Variants in CADPS2 observed in about 807,000 individuals in gnomAD.
The protein encoded by CADPS2 is calcium-dependent secretion activator 2.
A neutral mutation model predicts 172.5 loss-of-function variants in CADPS2; 93 were observed. That is an observed-to-expected ratio of 0.54 (90% CI 0.46 to 0.64). CADPS2 has a LOEUF of 0.64. CADPS2 is among the 30% of genes least tolerant of loss of function. The pLI, the probability that CADPS2 is intolerant of heterozygous loss-of-function variation, is 0.00. For synonymous variants in CADPS2, 546 were observed against 555.2 expected (o/e 0.98, Z 0.23); for missense variants, 1,420 against 1,565.9 (o/e 0.91, Z 1.57).
intron 11 of CADPS2, among the ~76,000 whole-genome samples, chr7:122,482,099 A>G (rs994028712): frequency 6.6e-6 from 1 of 152,142 alleles, no homozygotes; most frequent in Non-Finnish European, 1.5e-5. Context: ...TTTTCTTGCC[A>G]TTATGTGCAA....
intron 2 of CADPS2, among the ~76,000 whole-genome samples, chr7:122,731,168 G>C (rs1185765425): frequency 6.6e-6 from 1 of 151,262 alleles, no homozygotes; most frequent in African/African-American, 2.4e-5. Flanking sequence ...AACCAAAGTA[G>C]AACATAAACA....
chr7:122,385,608 ATAAAGGTTTTC>A lies in CADPS2; in HGVS notation c.3312+1407_3312+1417del, dbSNP rs2043546953. ...GTATACACTAGTCAATCCTTTACGC[ATAAAGGTTTTC>A]TAACCTTGTACCTCAGGGATTCTGG... is the stretch of plus-strand genomic sequence containing the variant. On this transcript the variant is annotated intron_variant, in intron 24 of 29. Transcript: ENST00000449022. Among the ~76,000 whole-genome samples, 4 of 152,184 alleles carry A rather than the reference ATAAAGGTTTTC, an allele frequency of 2.6e-5. No individual in the cohort carries two copies. The South Asian group carries it at 8.3e-4, about 32-fold the overall frequency.
chr7:122,680,506 G>A (rs1376650134), intron 2 of CADPS2, among the ~76,000 whole-genome samples: 1 of 152,158 alleles, frequency 6.6e-6, no homozygotes, highest in Non-Finnish European at 1.5e-5. Flanking sequence ...CTGAGGTCAG[G>A]AGTTCGAGAC....
chr7:122,820,299 T>C (rs1242598115), intron 1 of CADPS2, among the ~76,000 whole-genome samples: 4 of 152,238 alleles, frequency 2.6e-5, no homozygotes, highest in Admixed American at 6.5e-5. Flanking sequence ...GCTTCACAGA[T>C]AGCCCCCATT....
intron 3 of CADPS2, among the ~76,000 whole-genome samples, chr7:122,659,155 A>G (rs1365225601): frequency 2.0e-5 from 3 of 152,032 alleles, no homozygotes; most frequent in Admixed American, 6.6e-5. Context: ...AGATTCAGAT[A>G]CGAGACAGAT....
At chr7:122,562,577 TTAAGTCAC>T (rs2065906139) in intron 7 of CADPS2, among the ~76,000 whole-genome samples, 1 of 152,168 alleles carries the variant, frequency 6.6e-6, no homozygotes, top group Non-Finnish European at 1.5e-5. Flanking sequence ...TTATATTGTT[TTAAGTCAC>T]TAAGTTTTTG....
At chr7:122,861,715 C>T (rs992140220) in intron 1 of CADPS2, among the ~76,000 whole-genome samples, 3 of 152,182 alleles carry the variant, frequency 2.0e-5, no homozygotes, top group African/African-American at 4.8e-5. Flanking sequence ...TTTCAGGTGA[C>T]GGATATACTA....
chr7:122,438,235 C>A, intron 17 of CADPS2, 106 bp downstream of exon 17: 1 of 1,393,172 alleles, frequency 7.2e-7, no homozygotes, highest in Non-Finnish European at 1.0e-6. Flanking sequence ...TTCCCTTTGC[C>A]ATGGCACAGG....
intron 7 of CADPS2, among the ~76,000 whole-genome samples, chr7:122,556,224 A>G (rs1275668530): frequency 6.6e-6 from 1 of 152,156 alleles, no homozygotes; most frequent in Non-Finnish European, 1.5e-5. Flanking sequence ...GTAAAGAAAA[A>G]TAAGCTGATA....
chr7:122,802,911 C>T (rs918195119), intron 1 of CADPS2, among the ~76,000 whole-genome samples: 1 of 152,108 alleles, frequency 6.6e-6, no homozygotes, highest in Non-Finnish European at 1.5e-5. Flanking sequence ...TTTATGTGCA[C>T]AAAAGACATA....
At chr7:122,705,467 TATTA>T (rs531266582) in intron 2 of CADPS2, among the ~76,000 whole-genome samples, 5 of 134,686 alleles carry the variant, frequency 3.7e-5, no homozygotes, top group Admixed American at 8.6e-5. Context: ...CTATATTATA[TATTA>T]TATATATTTA....
intron 8 of CADPS2, among the ~76,000 whole-genome samples, chr7:122,524,413 C>T (rs1586846183): frequency 6.6e-6 from 1 of 152,048 alleles, no homozygotes; most frequent in Middle Eastern, 3.4e-3. Context: ...AAACTACATA[C>T]ACTCTAAAAA....
Position 122,414,065 on chromosome 7 carries a change from C to T in CADPS2, c.2589+3G>A. The T allele has an allele frequency of 1.0e-5, 16 of 1,548,826 alleles. No homozygotes were observed. The highest frequency in any genetic ancestry group is 1.4e-5 in the Non-Finnish European group (16 of 1,160,612). Reference sequence around the variant, plus strand: ...ATAAAATAGTGGAAATCATTTTACTCACCTCTCTTCCCTGAGGGTTTCCAA... The same window carrying T: ...ATAAAATAGTGGAAATCATTTTACTTACCTCTCTTCCCTGAGGGTTTCCAA... On this transcript the variant is annotated splice_donor_region_variant and intron_variant, in intron 19 of 29. Transcript: ENST00000449022.
intron 7 of CADPS2, among the ~76,000 whole-genome samples, chr7:122,569,639 A>G (rs2066938022): frequency 7.3e-6 from 1 of 137,240 alleles, no homozygotes; most frequent in Non-Finnish European, 1.5e-5. Flanking sequence ...CTATACTACA[A>G]GGCTACAGTA....
In CADPS2 at chr7:122,480,860, G is replaced by T; in HGVS notation, c.1853C>A (p.Ser618Tyr). ...ATCATGAAAATACTTACCTTTACCA[G>T]CTACAGGTCAGCAAAGAAATGAGAA... ...GGTLHADAQL[S>Y]GKDADRFQKH... The change falls in exon 12 of 30, where the codon TCT (serine) becomes TAT (tyrosine). Residue 618 changes from serine (S) to tyrosine (Y), a missense_variant and splice_region_variant. Coordinates refer to ENST00000449022, the MANE Select transcript of CADPS2 (RefSeq NM_017954.11). 1 of 1,519,848 alleles carries T rather than the reference G, an allele frequency of 6.6e-7. No individual in the cohort carries two copies. The highest frequency in any genetic ancestry group is 8.8e-7 in the Non-Finnish European group (1 of 1,137,140). The allele number at this position is 1,519,848 out of a possible 1,614,324, so 94.1% of individuals were successfully genotyped here. A position where few individuals can be genotyped will look rare whatever the true frequency, so the allele number is the denominator to read the frequency against.
At chr7:122,516,193 T>C (rs1048647486) in intron 8 of CADPS2, among the ~76,000 whole-genome samples, 4 of 152,126 alleles carry the variant, frequency 2.6e-5, no homozygotes, top group African/African-American at 9.7e-5. Context: ...ATCTAGCTGC[T>C]ATTTCACTGG....
At chr7:122,578,750 G>A (rs1006317793) in intron 7 of CADPS2, among the ~76,000 whole-genome samples, 1 of 152,134 alleles carries the variant, frequency 6.6e-6, no homozygotes, top group African/African-American at 2.4e-5. Context: ...AGTGACTGAG[G>A]TATGAAGGTC....
intron 27 of CADPS2, among the ~76,000 whole-genome samples, chr7:122,353,989 G>A (rs983820120): frequency 5.9e-5 from 9 of 151,886 alleles, no homozygotes; most frequent in African/African-American, 2.2e-4. Flanking sequence ...TCTAGGAACA[G>A]TCAGATTTCT....
At chr7:122,841,795 G>A (rs953372360) in intron 1 of CADPS2, among the ~76,000 whole-genome samples, 83 of 152,236 alleles carry the variant, frequency 5.5e-4, no homozygotes, top group African/African-American at 1.9e-3. Flanking sequence ...CCATCAGCCT[G>A]AGTCAATACA....
Sources: gnomAD v4.1 joint callset for allele counts (sites outside exome capture counted in the v4.1 genomes callset) on GRCh38, gnomAD v4.1.1 for gene constraint, MANE v1.5 for transcripts, NCBI Gene and HGNC (gene_info 2026-07-23, HGNC 2026-07-21) for gene names.